The following SLC25A13 variants were observed in gnomAD, a reference collection of about 807,000 sequenced individuals.
SLC25A13 encodes electrogenic aspartate/glutamate antiporter SLC25A13, mitochondrial.
A neutral mutation model predicts 85.5 loss-of-function variants in SLC25A13; 70 were observed. The ratio of observed to expected loss-of-function variants is 0.82; its 90% CI spans 0.68 to 1.00. The LOEUF (loss-of-function observed/expected upper bound fraction) is 1.00, where lower values mean the gene tolerates loss of function less well. Ranked by LOEUF, SLC25A13 falls within the 50% of genes least tolerant of loss-of-function variation. The pLI, the probability that SLC25A13 is intolerant of heterozygous loss-of-function variation, is 0.00. For missense variants in SLC25A13, 765 were observed against 819.8 expected (o/e 0.93, Z 0.82); for synonymous variants, 259 against 288.7 (o/e 0.90, Z 1.04).
chr7:96,250,218 C>G (rs1797362428), intron 3 of SLC25A13, among the ~76,000 whole-genome samples: 1 of 152,038 alleles, frequency 6.6e-6, no homozygotes, highest in African/African-American at 2.4e-5. Flanking sequence ...GAAGAAAGTA[C>G]TGAATCAGAA....
In SLC25A13 at chr7:96,207,561, G is replaced by A. The variant is rs568248798; in HGVS notation, c.468+1277C>T. On this transcript the variant is annotated intron_variant, in intron 5 of 17. Coordinates refer to ENST00000265631, the MANE Select transcript of SLC25A13 (RefSeq NM_014251.3). Reference sequence around the variant, plus strand: ...ACATACCAAATGAGTCCCCTTACATGAGTCTTTTTAAACATATTTAATAAA... The same window carrying A: ...ACATACCAAATGAGTCCCCTTACATAAGTCTTTTTAAACATATTTAATAAA... 3.9e-5 allele frequency among the ~76,000 whole-genome samples: 6 copies of A among 152,218 alleles called. No individual in the cohort carries two copies. In the South Asian group the frequency reaches 1.2e-3, roughly 32 times the overall value.
intron 1 of SLC25A13, among the ~76,000 whole-genome samples, chr7:96,304,521 G>A (rs961158612): frequency 1.3e-5 from 2 of 152,204 alleles, no homozygotes; most frequent in Admixed American, 1.3e-4. Context: ...GCTGGGTTCT[G>A]TTATGCCAAA....
intron 3 of SLC25A13, among the ~76,000 whole-genome samples, chr7:96,247,389 AT>A (rs1250912650): frequency 6.6e-6 from 1 of 152,180 alleles, no homozygotes; most frequent in Non-Finnish European, 1.5e-5. Context: ...TTGATTTCAG[AT>A]TGAATTTGCA....
At chr7:96,269,717 C>T (rs969759422) in intron 3 of SLC25A13, among the ~76,000 whole-genome samples, 2 of 152,142 alleles carry the variant, frequency 1.3e-5, no homozygotes, top group African/African-American at 4.8e-5. Flanking sequence ...AACTCAAGTG[C>T]CCATTACAGA....
chr7:96,185,153 T>C, intron 9 of SLC25A13, 142 bp from the exon 10 acceptor site: 1 of 567,926 alleles, frequency 1.8e-6, no homozygotes, highest in Non-Finnish European at 3.0e-6. Context: ...AGGAAAAAAG[T>C]AGGAATGGAT....
intron 5 of SLC25A13, among the ~76,000 whole-genome samples, chr7:96,206,637 T>A: frequency 6.6e-6 from 1 of 152,190 alleles, no homozygotes; most frequent in East Asian, 1.9e-4. Flanking sequence ...TGTAATCTAG[T>A]AAAAGTTCAG....
At chr7:96,209,730 A>G (rs1175624912) in intron 4 of SLC25A13, among the ~76,000 whole-genome samples, 3 of 152,124 alleles carry the variant, frequency 2.0e-5, no homozygotes, top group African/African-American at 7.2e-5. Context: ...ACTGACAGAG[A>G]AAAAACAAAC....
chr7:96,198,661 A>T (rs1486964250), intron 5 of SLC25A13, among the ~76,000 whole-genome samples: 1 of 152,246 alleles, frequency 6.6e-6, no homozygotes, highest in Non-Finnish European at 1.5e-5. Context: ...CAGCTTTTAA[A>T]ACTGAGATTC....
chr7:96,273,572 C>T (rs1798327951), intron 3 of SLC25A13, among the ~76,000 whole-genome samples: 1 of 152,018 alleles, frequency 6.6e-6, no homozygotes, highest in Non-Finnish European at 1.5e-5. Flanking sequence ...CTTAAGTGTT[C>T]CAACCATAAA....
intron 14 of SLC25A13, among the ~76,000 whole-genome samples, chr7:96,136,231 TTAACTTCA>T (rs1447017742): frequency 2.0e-5 from 3 of 152,186 alleles, no homozygotes; most frequent in Non-Finnish European, 2.9e-5. Flanking sequence ...TAGGCCTCAC[TTAACTTCA>T]AATTAATAGT....
chr7:96,259,875 CAAGAAAGA>C (rs1351164746), intron 3 of SLC25A13, among the ~76,000 whole-genome samples: 1 of 151,944 alleles, frequency 6.6e-6, no homozygotes, highest in Non-Finnish European at 1.5e-5. Flanking sequence ...TATGCAGCCA[CAAGAAAGA>C]ATGAGTTCAT....
At chr7:96,171,960 T>G (rs1355826739) in intron 11 of SLC25A13, among the ~76,000 whole-genome samples, 2 of 152,162 alleles carry the variant, frequency 1.3e-5, no homozygotes, top group African/African-American at 2.4e-5. Context: ...AAAAAAAAAT[T>G]AAATCACAGT....
At position 96,146,569 on chromosome 7, in the gene SLC25A13, A is replaced by G; in HGVS notation, c.1439T>C (p.Phe480Ser). The change falls in exon 14 of 18, where the codon TTT becomes TCT. Residue 480 changes from phenylalanine (F) to serine (S), a missense_variant. By Grantham distance (155) the Phe-to-Ser change is radical. Coordinates refer to ENST00000265631, the MANE Select transcript of SLC25A13 (RefSeq NM_014251.3). Reference protein sequence around the residue: ...ALSVVRDLGFFGIYKGAKACF... With the variant: ...ALSVVRDLGFSGIYKGAKACF... Reference sequence around the variant, plus strand: ...AAAAAAAGTTACCTTGTAGATCCCAAAAAACCCCAGGTCCCGCACGACAGA... The same window carrying G: ...AAAAAAAGTTACCTTGTAGATCCCAGAAAACCCCAGGTCCCGCACGACAGA... The G allele has an allele frequency of 1.9e-6, 3 of 1,613,832 alleles. No homozygotes were observed. The highest frequency in any genetic ancestry group is 2.5e-6 in the Non-Finnish European group (3 of 1,179,954).
intron 13 of SLC25A13, among the ~76,000 whole-genome samples, chr7:96,167,226 A>C (rs1318383964): frequency 2.6e-5 from 4 of 152,246 alleles, no homozygotes; most frequent in African/African-American, 9.6e-5. Flanking sequence ...TTAGACGTGA[A>C]AGTTAGCCCT....
chr7:96,256,403 G>A (rs541437861), intron 3 of SLC25A13, among the ~76,000 whole-genome samples: 11 of 152,120 alleles, frequency 7.2e-5, no homozygotes, highest in Admixed American at 6.5e-4. Context: ...GCAAAAAAAA[G>A]GCAGGGGGTG....
At chr7:96,154,795 C>CTTTTT (rs199642402) in intron 13 of SLC25A13, among the ~76,000 whole-genome samples, 2 of 122,328 alleles carry the variant, frequency 1.6e-5, no homozygotes, top group African/African-American at 3.5e-5. Flanking sequence ...ATTTCAGCAT[C>CTTTTT]TTTTTCTTTT....
chr7:96,219,638 C>T (rs748383315), intron 4 of SLC25A13: 1 of 530,554 alleles, frequency 1.9e-6, no homozygotes, highest in Non-Finnish European at 3.9e-6. Flanking sequence ...AAACACATTC[C>T]CAAGCCCCAC....
chr7:96,157,630 C>T (rs1417580431), intron 13 of SLC25A13, among the ~76,000 whole-genome samples: 1 of 152,076 alleles, frequency 6.6e-6, no homozygotes, highest in Non-Finnish European at 1.5e-5. Flanking sequence ...ACGGCAAAAT[C>T]CTCTCTCTAC....
At chr7:96,313,069 G>A (rs1477229584) in intron 1 of SLC25A13, among the ~76,000 whole-genome samples, 1 of 152,240 alleles carries the variant, frequency 6.6e-6, no homozygotes, top group Non-Finnish European at 1.5e-5. Context: ...ATAAGAACTG[G>A]TGAGTTCTAG....
Sources: allele counts gnomAD v4.1 joint callset (sites outside exome capture counted in the v4.1 genomes callset), GRCh38; gene constraint gnomAD v4.1.1; transcripts MANE v1.5; gene names NCBI Gene and HGNC (gene_info 2026-07-23, HGNC 2026-07-21).